Variants in GRM7 observed in about 807,000 individuals in gnomAD.
The protein encoded by GRM7 is glutamate metabotropic receptor 7, also known as metabotropic glutamate receptor 7.
A neutral mutation model predicts 84.5 loss-of-function variants in GRM7; 35 were observed. The observed-to-expected ratio is 0.41, with a 90% CI of 0.32 to 0.55. The LOEUF is 0.55. Ranked by LOEUF, GRM7 falls within the 20% of genes least tolerant of loss-of-function variation. GRM7 has a pLI of 0.19. For synonymous variants in GRM7, 487 were observed against 455.1 expected (o/e 1.07, Z -0.89); for missense variants, 1,003 against 1,194.6 (o/e 0.84, Z 2.36).
chr3:7,515,326 G>A (rs1001335596), intron 7 of GRM7, among the ~76,000 whole-genome samples: 22 of 152,168 alleles, frequency 1.4e-4, no homozygotes, highest in African/African-American at 2.9e-4. Flanking sequence ...AGGGAGACAG[G>A]TGCCCCGTGC....
intron 1 of GRM7, among the ~76,000 whole-genome samples, chr3:7,062,274 T>C (rs1052245596): frequency 1.3e-5 from 2 of 151,570 alleles, no homozygotes; most frequent in South Asian, 2.1e-4. Context: ...GGATAAAGCA[T>C]TACACTGAGG....
chr3:7,643,360 TG>T (rs1698455109), intron 8 of GRM7, among the ~76,000 whole-genome samples: 3 of 150,476 alleles, frequency 2.0e-5, no homozygotes, highest in Non-Finnish European at 4.4e-5. Context: ...CACTAATGGG[TG>T]ATAGGGCACA....
intron 1 of GRM7, among the ~76,000 whole-genome samples, chr3:6,931,164 C>A (rs917553890): frequency 1.3e-5 from 2 of 152,152 alleles, no homozygotes; most frequent in Non-Finnish European, 2.9e-5. Context: ...CCACTTAAAT[C>A]AGGAAGTGCA....
intron 1 of GRM7, among the ~76,000 whole-genome samples, chr3:6,871,765 A>C (rs976895907): frequency 6.6e-6 from 1 of 152,118 alleles, no homozygotes; most frequent in African/African-American, 2.4e-5. Context: ...ATTATAACAC[A>C]TTTTATATCA....
At chr3:7,690,148 C>A (rs1291839112) in intron 9 of GRM7, among the ~76,000 whole-genome samples, 1 of 152,084 alleles carries the variant, frequency 6.6e-6, no homozygotes. Flanking sequence ...AAAGCAGTTA[C>A]GTGAGGCTAT....
chr3:7,443,424 AT>A (rs909513966), intron 5 of GRM7, among the ~76,000 whole-genome samples: 101 of 150,868 alleles, frequency 6.7e-4, no homozygotes, highest in Admixed American at 2.1e-3. Context: ...TCTTTATAAA[AT>A]TTTTTTTTTC....
intron 2 of GRM7, among the ~76,000 whole-genome samples, chr3:7,211,899 A>G (rs1043455728): frequency 2.6e-5 from 4 of 151,106 alleles, no homozygotes; most frequent in African/African-American, 9.7e-5. Context: ...GACTTCCCCG[A>G]CTTGGTGTTC....
intron 4 of GRM7, among the ~76,000 whole-genome samples, chr3:7,391,095 A>T (rs954933665): frequency 1.3e-5 from 2 of 148,962 alleles, no homozygotes; most frequent in South Asian, 4.2e-4. Flanking sequence ...TATATGATCT[A>T]TTGGTTTCAA....
chr3:6,974,626 A>G (rs930590080), intron 1 of GRM7, among the ~76,000 whole-genome samples: 3 of 152,128 alleles, frequency 2.0e-5, no homozygotes, highest in Non-Finnish European at 2.9e-5. Context: ...GGTGCATGAG[A>G]TGTTTCAAGG....
At chr3:7,645,940 T>C (rs538932324) in intron 8 of GRM7, among the ~76,000 whole-genome samples, 1 of 152,296 alleles carries the variant, frequency 6.6e-6, no homozygotes, top group South Asian at 2.1e-4. Context: ...GGGGAGCGTC[T>C]GTTTGGTTGT....
intron 9 of GRM7, among the ~76,000 whole-genome samples, chr3:7,711,127 T>G (rs763814172): frequency 2.6e-5 from 4 of 152,164 alleles, no homozygotes; most frequent in Non-Finnish European, 5.9e-5. Flanking sequence ...TTTACCCAAG[T>G]GGCACTTATG....
chr3:7,719,336 C>T (rs1408479152), intron 9 of GRM7, among the ~76,000 whole-genome samples: 1 of 152,148 alleles, frequency 6.6e-6, no homozygotes, highest in Non-Finnish European at 1.5e-5. Flanking sequence ...GATCTACTAT[C>T]TAATTGTGCC....
At chr3:6,914,054 A>T (rs1696862198) in intron 1 of GRM7, among the ~76,000 whole-genome samples, 1 of 152,156 alleles carries the variant, frequency 6.6e-6, no homozygotes, top group Non-Finnish European at 1.5e-5. Context: ...CTGTGGTACG[A>T]ATTGTTTTCT....
intron 1 of GRM7, among the ~76,000 whole-genome samples, chr3:6,931,324 G>T (rs779272970): frequency 5.3e-5 from 8 of 152,230 alleles, no homozygotes; most frequent in Non-Finnish European, 1.2e-4. Flanking sequence ...CTTGGTAAAA[G>T]AGAAAATAAT....
intron 2 of GRM7, among the ~76,000 whole-genome samples, chr3:7,165,805 T>C (rs1694781480): frequency 6.6e-6 from 1 of 152,250 alleles, no homozygotes; most frequent in African/African-American, 2.4e-5. Flanking sequence ...TTGTACTATC[T>C]GGGTTTCATC....
chr3:7,327,614 C>T (rs537304372), intron 4 of GRM7, among the ~76,000 whole-genome samples: 1 of 152,150 alleles, frequency 6.6e-6, no homozygotes, highest in Non-Finnish European at 1.5e-5. Flanking sequence ...CATTGCCACT[C>T]CCTAGTATAA....
chr3:7,064,631 A>G (rs1372325292), intron 1 of GRM7, among the ~76,000 whole-genome samples: 1 of 150,442 alleles, frequency 6.6e-6, no homozygotes, highest in African/African-American at 2.4e-5. Flanking sequence ...AGATTTTGCA[A>G]TTGTGAATTG....
At chr3:7,214,441 T>C (rs891272565) in intron 2 of GRM7, among the ~76,000 whole-genome samples, 5 of 152,344 alleles carry the variant, frequency 3.3e-5, no homozygotes, top group African/African-American at 9.6e-5. Flanking sequence ...GTTCATCCTA[T>C]TGGTTTTCTT....
intron 4 of GRM7, among the ~76,000 whole-genome samples, chr3:7,344,840 G>T (rs935100583): frequency 1.3e-5 from 2 of 152,036 alleles, no homozygotes; most frequent in African/African-American, 4.8e-5. Flanking sequence ...GGAGGAACAA[G>T]TTCTGGTGTT....
Sources: gnomAD v4.1 joint callset for allele counts (sites outside exome capture counted in the v4.1 genomes callset) on GRCh38, gnomAD v4.1.1 for gene constraint, MANE v1.5 for transcripts, NCBI Gene and HGNC (gene_info 2026-07-23, HGNC 2026-07-21) for gene names.